Variants in SOS2 observed in about 807,000 individuals in gnomAD.
SOS2 encodes SOS Ras/Rho guanine nucleotide exchange factor 2.
In SOS2, 65 loss-of-function variants were observed where a neutral mutation model predicts 148.2. The observed-to-expected ratio is 0.44, with a 90% CI of 0.36 to 0.54. The LOEUF is 0.54. Ranked by LOEUF, SOS2 falls within the 20% of genes least tolerant of loss-of-function variation. SOS2 has a pLI of 0.00. For synonymous variants in SOS2, 539 were observed against 537.1 expected, an observed-to-expected ratio of 1.00 and a Z score of -0.05; for missense variants, 1,341 against 1,590.2, an observed-to-expected ratio of 0.84 and a Z score of 2.67.
intron 4 of SOS2, 123 bp from the exon 5 acceptor site, chr14:50,188,823 G>T (rs1055009943): frequency 4.5e-6 from 3 of 670,200 alleles, no homozygotes; most frequent in Admixed American, 3.3e-5. Context: ...AGCACTTTGG[G>T]AGGCCAAGGC....
At chr14:50,159,379 A>T (rs1884926068) in intron 10 of SOS2, 52 bp downstream of exon 10, 1 of 1,256,586 alleles carries the variant, frequency 8.0e-7, no homozygotes, top group Admixed American at 2.4e-5. Flanking sequence ...CATCCTTAAA[A>T]AGCTTTTGGG....
chr14:50,159,754 T>A lies in SOS2; in HGVS notation c.1529A>T (p.His510Leu). 1.2e-6 allele frequency: 2 copies of A among 1,613,998 alleles called. No individual in the cohort carries two copies. The highest frequency in any genetic ancestry group is 1.7e-6 in the Non-Finnish European group (2 of 1,179,860). Residue 510 changes from histidine to leucine, a missense_variant, in exon 10 of 23, where the codon CAT becomes CTT. Around this residue, in one of 4 missense-constraint regions of SOS2, gnomAD observed 574 missense variants for 711.1 expected, o/e 0.81. Transcript: ENST00000216373. ...CDKEDTCEHK[H>L]AFELVSKDEN... ...ATCTTTGGATACTAATTCAAATGCA[T>A]GCTTGTGCTCACAAGTATCTTCTTT...
chr14:50,220,265 G>A (rs1467029233), intron 1 of SOS2, among the ~76,000 whole-genome samples: 2 of 150,640 alleles, frequency 1.3e-5, no homozygotes, highest in Non-Finnish European at 3.0e-5. Context: ...ACTTAGCTGG[G>A]CGTGGTGGCG....
chr14:50,198,481 C>CTGCAA, intron 4 of SOS2, among the ~76,000 whole-genome samples: 1 of 152,284 alleles, frequency 6.6e-6, no homozygotes, highest in Middle Eastern at 3.4e-3. Context: ...GTCATTATAA[C>CTGCAA]TGCACATCAG....
At chr14:50,162,669 T>C (rs534661375) in intron 8 of SOS2, among the ~76,000 whole-genome samples, 63 of 152,228 alleles carry the variant, frequency 4.1e-4, no homozygotes, top group African/African-American at 1.5e-3. Context: ...AAACAGCATC[T>C]CTCAAAGGAT....
In SOS2 at chr14:50,140,049, T is replaced by C; in HGVS notation, c.2678A>G (p.Glu893Gly). 6.5e-7 allele frequency: 1 copy of C among 1,546,418 alleles called. No individual in the cohort carries two copies. The highest frequency in any genetic ancestry group is 8.9e-7 in the Non-Finnish European group (1 of 1,120,552). Reference sequence around the variant, plus strand: ...TTCGTCCAAAATTTTCCTTTTCCTTTCCTGCAGTGCCTTAAAGTATACATA... The same window carrying C: ...TTCGTCCAAAATTTTCCTTTTCCTTCCCTGCAGTGCCTTAAAGTATACATA... ...RLDHTFEALQ[E>G]RKRKILDEAV... Residue 893 changes from glutamate (E) to glycine (G), a missense_variant, in exon 17 of 23, where the codon GAA becomes GGA. Physicochemically the swap from Glu to Gly is moderately conservative, Grantham distance 98 (BLOSUM62 -2). Transcript: ENST00000216373.
In SOS2 at chr14:50,131,996, T is replaced by G. The variant is rs191898699; in HGVS notation, c.3076-1234A>C. 4.9e-4 allele frequency among the ~76,000 whole-genome samples: 74 copies of G among 152,262 alleles called. 1 individual carries two copies. The highest frequency in any genetic ancestry group is 6.8e-3 in the Middle Eastern group (2 of 294). ...AATTAAAGTTGAGCAAACTTTCCAC[T>G]AGATGGATGGCAAAACCACTGCACC... On this transcript the variant is annotated intron_variant, in intron 19 of 22. Coordinates refer to ENST00000216373, the MANE Select transcript of SOS2 (RefSeq NM_006939.4).
Position 50,188,639 on chromosome 14 carries a change from G to C in SOS2, c.572C>G (p.Pro191Arg), listed in dbSNP as rs72681869. ...GTAGTTTAATTCACCAGAAGAACTA[G>C]GTTCATCTTCACAGAGAGAAACCAA... ...IGLVSLCEDEPSSSGELNYYD... is the reference protein window; with the variant it reads ...IGLVSLCEDERSSSGELNYYD... The change falls in exon 5 of 23, where the codon CCT (proline) becomes CGT (arginine). Residue 191 changes from proline to arginine, a missense_variant. Transcript: ENST00000216373. The C allele has an allele frequency of 7.4e-3, 11,977 of 1,609,034 alleles. 58 individuals carry two copies. Among genetic ancestry groups the C allele is most frequent in the Non-Finnish European group, 9.4e-3 (11,070 of 1,176,854 alleles).
chr14:50,178,670 GCATATATATATATATATATATATATA>G lies in SOS2; in HGVS notation c.969+1876_969+1901del, dbSNP rs1292806787. ...CTAGTGTGTGTGTGTGTGTGTGTGT[GCATATATATATATATATATATATATA>G]TATATATATATATATACACACATAT... is the stretch of plus-strand genomic sequence containing the variant. On this transcript the variant is annotated intron_variant, in intron 7 of 22. Coordinates refer to ENST00000216373, the MANE Select transcript of SOS2 (RefSeq NM_006939.4). Among the ~76,000 whole-genome samples, 4 of 68,016 alleles carry G rather than the reference GCATATATATATATATATATATATATA, an allele frequency of 5.9e-5. No individual in the cohort carries two copies. The South Asian group carries it at 1.4e-3, about 24-fold the overall frequency. 44.6% of individuals were successfully genotyped at this position (68,016 alleles called of 152,430 possible). A position where few individuals can be genotyped will look rare whatever the true frequency, so the allele number is the denominator to read the frequency against.
At chr14:50,191,318 T>A (rs1595009830) in intron 4 of SOS2, among the ~76,000 whole-genome samples, 4 of 151,530 alleles carry the variant, frequency 2.6e-5, no homozygotes, top group Admixed American at 1.3e-4. Context: ...TAAAAAAAAA[T>A]AATAACCAGG....
chr14:50,195,278 T>G (rs139121929), intron 4 of SOS2, among the ~76,000 whole-genome samples: 56 of 152,322 alleles, frequency 3.7e-4, no homozygotes, highest in Non-Finnish European at 6.9e-4. Context: ...GATACGTACA[T>G]GCATTTCAAT....
rs368795762 is a variant in SOS2, at chr14:50,182,957, A to G, written c.715-351T>C. 1.8e-4 allele frequency among the ~76,000 whole-genome samples: 28 copies of G among 152,366 alleles called. No homozygotes were observed. In the East Asian group the frequency reaches 4.6e-3, roughly 25 times the overall value. ...AAACTATAGAATTTCTTTAACTAGCATATCTTTTATTGGGAGCATGATTAA... is the reference window on the plus strand; with the variant it reads ...AAACTATAGAATTTCTTTAACTAGCGTATCTTTTATTGGGAGCATGATTAA... On this transcript the variant is annotated intron_variant, in intron 5 of 22. Coordinates refer to ENST00000216373, the MANE Select transcript of SOS2 (RefSeq NM_006939.4).
intron 8 of SOS2, among the ~76,000 whole-genome samples, chr14:50,173,829 A>G (rs1357035075): frequency 6.6e-6 from 1 of 152,294 alleles, no homozygotes; most frequent in African/African-American, 2.4e-5. Context: ...CTTCATATGA[A>G]TAATATATAA....
In SOS2 at chr14:50,160,053, T is replaced by C; in HGVS notation, c.1230A>G (p.Leu410=). The part of the protein sequence containing the change: ...DPVCPFYSHQ[L]RSKHLAIKKM... Reference sequence around the variant, plus strand: ...TTTTGATAGCCAGGTGTTTGCTTCTTAATTGGTGACTATAAAAAGGGCAAA... The same window carrying C: ...TTTTGATAGCCAGGTGTTTGCTTCTCAATTGGTGACTATAAAAAGGGCAAA... Residue 410 remains leucine, a synonymous_variant, in exon 10 of 23, where the codon TTA becomes TTG. Coordinates refer to ENST00000216373, the MANE Select transcript of SOS2 (RefSeq NM_006939.4). The C allele has an allele frequency of 6.2e-7, 1 of 1,613,520 alleles. No homozygotes were observed. The highest frequency in any genetic ancestry group is 8.5e-7 in the Non-Finnish European group (1 of 1,179,754).
At chr14:50,134,327 T>C in intron 18 of SOS2, 88 bp from the exon 19 acceptor site, 1 of 657,222 alleles carries the variant, frequency 1.5e-6, no homozygotes, top group Non-Finnish European at 2.6e-6. Flanking sequence ...AATTTTTTGC[T>C]GAAAATTACT....
chr14:50,160,202 G>A (rs1048758079), intron 9 of SOS2, 116 bp from the exon 10 acceptor site: 24 of 763,568 alleles, frequency 3.1e-5, no homozygotes, highest in Middle Eastern at 3.8e-4. Flanking sequence ...TAGCTTTTAC[G>A]CACAGCATTT....
intron 4 of SOS2, among the ~76,000 whole-genome samples, chr14:50,189,040 G>A (rs1348051021): frequency 6.8e-6 from 1 of 147,710 alleles, no homozygotes; most frequent in East Asian, 2.0e-4. Context: ...ACTCCAGCCT[G>A]GGCGACAGAG....
chr14:50,130,556 T>A lies in SOS2; in HGVS notation c.3282A>T (p.Val1094=). The change falls in exon 20 of 23, where the codon GTA becomes GTT. Residue 1094 remains valine (V), a synonymous_variant. Transcript: ENST00000216373. ...ATACACTAAGGTCTGAAGAAGCAGA[T>A]ACTGGTGGAGTAGATGGTGTATTTG... The part of the protein sequence containing the change: ...TSPNTPSTPP[V]SASSDLSVFL... The A allele has an allele frequency of 6.2e-7, 1 of 1,613,978 alleles. No homozygotes were observed. Among genetic ancestry groups the A allele is most frequent in the South Asian group, 1.1e-5 (1 of 91,084 alleles).
intron 8 of SOS2, among the ~76,000 whole-genome samples, chr14:50,166,871 TAA>T (rs1163465264): frequency 6.6e-6 from 1 of 152,182 alleles, no homozygotes; most frequent in African/African-American, 2.4e-5. Flanking sequence ...TAGATTTTCA[TAA>T]GAGTGGAGTT....
Sources: gnomAD v4.1 joint callset for allele counts (sites outside exome capture counted in the v4.1 genomes callset) on GRCh38, gnomAD v4.1.1 for gene constraint, gnomAD v4.1.1 regional missense constraint, MANE v1.5 for transcripts, NCBI Gene and HGNC (gene_info 2026-07-23, HGNC 2026-07-21) for gene names.